The following DPYD variants were observed in gnomAD, a reference collection of about 807,000 sequenced individuals.
The protein encoded by DPYD is dihydropyrimidine dehydrogenase, also known as dihydropyrimidine dehydrogenase [NADP(+)].
Under a neutral mutation model 116.2 loss-of-function variants are expected in DPYD, and 109 were observed. The observed-to-expected ratio is 0.94, with a 90% CI of 0.80 to 1.10. The LOEUF (loss-of-function observed/expected upper bound fraction) is 1.10, where lower values mean the gene tolerates loss of function less well. DPYD is among the 50% of genes least tolerant of loss of function. DPYD has a pLI of 0.00. For missense variants in DPYD, 1,302 were observed against 1,254.5 expected, an observed-to-expected ratio of 1.04 and a Z score of -0.57; for synonymous variants, 440 against 432.0, an observed-to-expected ratio of 1.02 and a Z score of -0.23.
At chr1:97,236,820 A>G (rs1661965486) in intron 18 of DPYD, among the ~76,000 whole-genome samples, 1 of 152,240 alleles carries the variant, frequency 6.6e-6, no homozygotes, top group Non-Finnish European at 1.5e-5. Context: ...GGGAATGTTG[A>G]TAATGAGGGA....
At chr1:97,231,597 C>T (rs1378004590) in intron 19 of DPYD, among the ~76,000 whole-genome samples, 1 of 152,096 alleles carries the variant, frequency 6.6e-6, no homozygotes, top group Non-Finnish European at 1.5e-5. Flanking sequence ...GATTTAACTA[C>T]CTCCCACCAG....
chr1:97,558,220 T>C (rs1195841492), intron 11 of DPYD, among the ~76,000 whole-genome samples: 1 of 152,154 alleles, frequency 6.6e-6, no homozygotes, highest in Non-Finnish European at 1.5e-5. Flanking sequence ...CTAGGCACTA[T>C]GTGACTTTAT....
intron 20 of DPYD, among the ~76,000 whole-genome samples, chr1:97,182,768 A>C (rs1004369503): frequency 6.6e-6 from 1 of 152,126 alleles, no homozygotes; most frequent in East Asian, 1.9e-4. Context: ...AAAGTCCCCC[A>C]AAAATGTTAT....
chr1:97,170,557 C>G (rs1465246545), intron 20 of DPYD, among the ~76,000 whole-genome samples: 1 of 152,166 alleles, frequency 6.6e-6, no homozygotes, highest in African/African-American at 2.4e-5. Flanking sequence ...CTGGGGAGAA[C>G]AAGGCAATTT....
At chr1:97,771,313 AG>A (rs1200956880) in intron 3 of DPYD, among the ~76,000 whole-genome samples, 1 of 152,230 alleles carries the variant, frequency 6.6e-6, no homozygotes, top group Non-Finnish European at 1.5e-5. Context: ...ATGAGAAATA[AG>A]TACTTTAATA....
chr1:97,131,892 CA>C (rs575263868), intron 20 of DPYD, among the ~76,000 whole-genome samples: 38 of 152,192 alleles, frequency 2.5e-4, no homozygotes, highest in African/African-American at 6.7e-4. Context: ...TTTCACATAA[CA>C]AAAACTTTTT....
chr1:97,233,870 T>C (rs545417729), intron 19 of DPYD, among the ~76,000 whole-genome samples: 1 of 152,172 alleles, frequency 6.6e-6, no homozygotes, highest in Non-Finnish European at 1.5e-5. Flanking sequence ...GAAAAGTAAA[T>C]CTATTCCATC....
At chr1:97,670,099 G>A (rs575374371) in intron 8 of DPYD, among the ~76,000 whole-genome samples, 2 of 152,256 alleles carry the variant, frequency 1.3e-5, no homozygotes, top group South Asian at 2.1e-4. Flanking sequence ...TACAGTGGGC[G>A]GAGGGGAAGG....
chr1:97,861,399 A>G (rs1571487555), intron 2 of DPYD, among the ~76,000 whole-genome samples: 1 of 151,940 alleles, frequency 6.6e-6, no homozygotes, highest in African/African-American at 2.4e-5. Context: ...ACAAAAAAAA[A>G]TAACTGTAAA....
chr1:97,417,102 G>A (rs1674329056), intron 14 of DPYD, among the ~76,000 whole-genome samples: 1 of 152,088 alleles, frequency 6.6e-6, no homozygotes, highest in African/African-American at 2.4e-5. Flanking sequence ...CTACAAGAGA[G>A]GCCATATAAT....
intron 8 of DPYD, among the ~76,000 whole-genome samples, chr1:97,611,273 A>G (rs928859965): frequency 2.6e-5 from 4 of 152,010 alleles, no homozygotes; most frequent in African/African-American, 9.7e-5. Context: ...CCCATTTACT[A>G]TCACGAGAAC....
At chr1:97,759,695 A>AT (rs2101123323) in intron 3 of DPYD, among the ~76,000 whole-genome samples, 1 of 152,232 alleles carries the variant, frequency 6.6e-6, no homozygotes, top group South Asian at 2.1e-4. Flanking sequence ...TCTTTTATGT[A>AT]TTTTTTGTTG....
intron 12 of DPYD, among the ~76,000 whole-genome samples, chr1:97,525,789 A>AGAGT (rs1431555133): frequency 6.4e-4 from 91 of 142,696 alleles, no homozygotes; most frequent in African/African-American, 1.2e-3. Context: ...AGAGAGAGAG[A>AGAGT]GTGTGTGTGT....
chr1:97,786,239 C>A (rs773573275), intron 3 of DPYD, among the ~76,000 whole-genome samples: 11 of 152,114 alleles, frequency 7.2e-5, no homozygotes, highest in Non-Finnish European at 1.0e-4. Context: ...TTAACCAACA[C>A]TTTACCAATT....
chr1:97,098,661 C>T, intron 20 of DPYD, 29 bp from the exon 21 acceptor site: 1 of 1,611,512 alleles, frequency 6.2e-7, no homozygotes, highest in Non-Finnish European at 8.5e-7. Context: ...AATAAGGAAG[C>T]ATGTTAGCTC....
intron 16 of DPYD, among the ~76,000 whole-genome samples, chr1:97,319,604 A>C (rs1343197333): frequency 7.5e-6 from 1 of 133,586 alleles, no homozygotes; most frequent in Non-Finnish European, 1.6e-5. Context: ...TTTACCAACC[A>C]AAAAGAGTCC....
At chr1:97,138,950 C>T (rs1054074438) in intron 20 of DPYD, among the ~76,000 whole-genome samples, 4 of 152,090 alleles carry the variant, frequency 2.6e-5, no homozygotes, top group African/African-American at 9.7e-5. Context: ...ATAACAAAGG[C>T]TTGTGGGTAG....
At chr1:97,103,240 C>T (rs993196875) in intron 20 of DPYD, among the ~76,000 whole-genome samples, 4 of 152,034 alleles carry the variant, frequency 2.6e-5, no homozygotes, top group African/African-American at 9.7e-5. Flanking sequence ...TTCCTCTTTT[C>T]AATTATGAAA....
At chr1:97,895,880 G>C (rs1396422801) in intron 1 of DPYD, among the ~76,000 whole-genome samples, 1 of 151,632 alleles carries the variant, frequency 6.6e-6, no homozygotes, top group African/African-American at 2.4e-5. Context: ...ATGCAGTATG[G>C]AGTCACATCA....
Sources: gnomAD v4.1 joint callset for allele counts (sites outside exome capture counted in the v4.1 genomes callset) on GRCh38, gnomAD v4.1.1 for gene constraint, MANE v1.5 for transcripts, NCBI Gene and HGNC (gene_info 2026-07-23, HGNC 2026-07-21) for gene names.